The following FGGY variants were observed in gnomAD, a reference collection of about 807,000 sequenced individuals.
FGGY encodes FGGY carbohydrate kinase domain containing.
Under a neutral mutation model 71.3 loss-of-function variants are expected in FGGY, and 72 were observed. The ratio of observed to expected loss-of-function variants is 1.01; its 90% CI spans 0.84 to 1.23. The LOEUF is 1.23. FGGY is among the 50% of genes most tolerant of loss of function. The probability of loss-of-function intolerance (pLI) is 0.00; values close to 1 mark genes in which losing one functional copy is unlikely to be tolerated. For missense variants in FGGY, 668 were observed against 682.3 expected (o/e 0.98, Z 0.23); for synonymous variants, 251 against 250.3 (o/e 1.00, Z -0.02).
At position 59,648,843 on chromosome 1, in the gene FGGY, G is replaced by T. The variant is rs1013161552; in HGVS notation, c.1221+10468G>T. 1.8e-4 allele frequency among the ~76,000 whole-genome samples: 27 copies of T among 152,262 alleles called. No individual in the cohort carries two copies. The East Asian group carries it at 2.9e-3, about 16-fold the overall frequency. On this transcript the variant is annotated intron_variant, in intron 11 of 15. Coordinates refer to ENST00000303721, the MANE Select transcript of FGGY (RefSeq NM_018291.5). ...CTTGCCCATGCCTATGTCCTGAATGGTCATGCCTAGGTTTTCTTCTAGGGT... is the reference window on the plus strand; with the variant it reads ...CTTGCCCATGCCTATGTCCTGAATGTTCATGCCTAGGTTTTCTTCTAGGGT...
At chr1:59,588,130 A>G (rs907691604) in intron 8 of FGGY, among the ~76,000 whole-genome samples, 2 of 152,264 alleles carry the variant, frequency 1.3e-5, no homozygotes, top group Non-Finnish European at 2.9e-5. Flanking sequence ...CCAAGGCTCG[A>G]GAACTACGTG....
chr1:59,649,172 G>A (rs1300485166), intron 11 of FGGY, among the ~76,000 whole-genome samples: 164 of 150,240 alleles, frequency 1.1e-3, no homozygotes, highest in African/African-American at 3.9e-3. Flanking sequence ...ATAGTTTGAA[G>A]TCAGGTAGTG....
chr1:59,587,389 G>A (rs1354774570), intron 8 of FGGY, among the ~76,000 whole-genome samples: 1 of 152,108 alleles, frequency 6.6e-6, no homozygotes, highest in East Asian at 1.9e-4. Flanking sequence ...CAAAAAGACA[G>A]CAGTAACCCC....
At chr1:59,360,496 G>A (rs992918533) in intron 4 of FGGY, among the ~76,000 whole-genome samples, 1 of 152,168 alleles carries the variant, frequency 6.6e-6, no homozygotes, top group African/African-American at 2.4e-5. Context: ...GGTTCAAGTG[G>A]CCAGGGCTTT....
chr1:59,748,457 G>T (rs1573995099), intron 14 of FGGY, among the ~76,000 whole-genome samples: 1 of 152,156 alleles, frequency 6.6e-6, no homozygotes, highest in Non-Finnish European at 1.5e-5. Context: ...TCCTGGAGAA[G>T]ACCATTCCTG....
Position 59,321,442 on chromosome 1 carries a change from C to T in FGGY, c.-14-94C>T, listed in dbSNP as rs190369524. 594 of 1,124,206 alleles carry T rather than the reference C, an allele frequency of 5.3e-4. 1 individual carries two copies. Among genetic ancestry groups the T allele is most frequent in the South Asian group, 1.1e-3 (75 of 67,584 alleles). 69.6% of individuals were successfully genotyped at this position (1,124,206 alleles called of 1,614,324 possible). A position where few individuals can be genotyped will look rare whatever the true frequency, so the allele number is the denominator to read the frequency against. On this transcript the variant is annotated intron_variant, in intron 1 of 15. Transcript: ENST00000303721. ...TAACAAATGGCTACCGGTTAGGTAGCGGTACCTCTTTTATTTCTACTTTTG... is the reference window on the plus strand; with the variant it reads ...TAACAAATGGCTACCGGTTAGGTAGTGGTACCTCTTTTATTTCTACTTTTG...
At chr1:59,414,071 A>T (rs958207288) in intron 5 of FGGY, among the ~76,000 whole-genome samples, 11 of 152,240 alleles carry the variant, frequency 7.2e-5, no homozygotes, top group African/African-American at 2.7e-4. Context: ...GTATTAAAAT[A>T]TGTTGAATTC....
chr1:59,507,757 A>G (rs2094429393), intron 6 of FGGY, among the ~76,000 whole-genome samples: 1 of 147,948 alleles, frequency 6.8e-6, no homozygotes, highest in African/African-American at 2.6e-5. Context: ...GCTGGTCTCA[A>G]ACTCCTGACT....
intron 7 of FGGY, among the ~76,000 whole-genome samples, chr1:59,545,931 C>A (rs2095512939): frequency 6.6e-6 from 1 of 152,188 alleles, no homozygotes; most frequent in African/African-American, 2.4e-5. Flanking sequence ...CCTGGTACCT[C>A]ATTTTCCTTA....
At chr1:59,553,241 C>T (rs1409650588) in intron 7 of FGGY, among the ~76,000 whole-genome samples, 1 of 152,186 alleles carries the variant, frequency 6.6e-6, no homozygotes, top group Non-Finnish European at 1.5e-5. Context: ...TGAGCACTTT[C>T]CACCCCCAGC....
intron 2 of FGGY, among the ~76,000 whole-genome samples, chr1:59,339,701 G>T (rs2050274804): frequency 6.6e-6 from 1 of 152,036 alleles, no homozygotes; most frequent in South Asian, 2.1e-4. Context: ...CTGACCTTGT[G>T]ATCTACCCAC....
At chr1:59,345,453 T>C (rs904344804) in intron 3 of FGGY, among the ~76,000 whole-genome samples, 10 of 137,430 alleles carry the variant, frequency 7.3e-5, no homozygotes, top group Admixed American at 4.3e-4. Flanking sequence ...GACTACAGGG[T>C]GGTAAGGCAG....
At chr1:59,583,641 T>C (rs1301726763) in intron 8 of FGGY, among the ~76,000 whole-genome samples, 2 of 142,076 alleles carry the variant, frequency 1.4e-5, no homozygotes, top group Non-Finnish European at 3.0e-5. Context: ...ATTTCCTCAA[T>C]GGGAGAGCAC....
chr1:59,660,106 A>G, intron 11 of FGGY, 113 bp from the exon 12 acceptor site: 1 of 893,256 alleles, frequency 1.1e-6, no homozygotes, highest in South Asian at 1.5e-5. Context: ...GGGGATTTGC[A>G]TATGAACTTG....
At chr1:59,492,969 T>C (rs2093915603) in intron 6 of FGGY, among the ~76,000 whole-genome samples, 1 of 152,130 alleles carries the variant, frequency 6.6e-6, no homozygotes, top group Non-Finnish European at 1.5e-5. Flanking sequence ...TCTTTTTACT[T>C]TTTAACTTTC....
intron 6 of FGGY, among the ~76,000 whole-genome samples, chr1:59,501,506 T>C (rs1406491793): frequency 6.6e-6 from 1 of 152,242 alleles, no homozygotes. Flanking sequence ...TATTTTCATG[T>C]ATTTCCCAAG....
rs767671711 is a variant in FGGY, at chr1:59,629,919, C to G, written c.1073+3870C>G. ...TGAATTGTGACAATAATGATGATCA[C>G]TACTACTCTGTTAGTCCATTCTTGC... On this transcript the variant is annotated intron_variant, in intron 10 of 15. Coordinates refer to ENST00000303721, the MANE Select transcript of FGGY (RefSeq NM_018291.5). Among the ~76,000 whole-genome samples the G allele has an allele frequency of 1.4e-4, 22 of 152,146 alleles. 1 individual carries two copies. The highest frequency in any genetic ancestry group is 2.6e-4 in the Non-Finnish European group (18 of 68,032).
At chr1:59,664,886 T>C (rs1230447413) in intron 12 of FGGY, among the ~76,000 whole-genome samples, 2 of 152,150 alleles carry the variant, frequency 1.3e-5, no homozygotes, top group African/African-American at 2.4e-5. Context: ...TTGACATTTC[T>C]GACAATCTAT....
intron 2 of FGGY, among the ~76,000 whole-genome samples, chr1:59,329,397 A>G (rs2048028513): frequency 6.6e-6 from 1 of 152,270 alleles, no homozygotes; most frequent in Non-Finnish European, 1.5e-5. Flanking sequence ...AATGGCAGCA[A>G]TGGACTTGCT....
Sources: gnomAD v4.1 joint callset for allele counts (sites outside exome capture counted in the v4.1 genomes callset) on GRCh38, gnomAD v4.1.1 for gene constraint, MANE v1.5 for transcripts, NCBI Gene and HGNC (gene_info 2026-07-23, HGNC 2026-07-21) for gene names.